SVOP: variants seen among roughly 807,000 people sequenced by gnomAD.
SVOP encodes the protein synaptic vesicle 2-related protein.
In SVOP, 17 loss-of-function variants were observed where a neutral mutation model predicts 69.1. That is an observed-to-expected ratio of 0.25 (90% CI 0.17 to 0.37). The LOEUF is 0.37. Ranked by LOEUF, SVOP falls within the 10% of genes least tolerant of loss-of-function variation. The pLI is 1.00. For missense variants in SVOP, 435 were observed against 597.5 expected, an observed-to-expected ratio of 0.73 and a Z score of 2.84; for synonymous variants, 238 against 238.6, an observed-to-expected ratio of 1.00 and a Z score of 0.02.
At chr12:108,921,727 T>C (rs1392947477) in intron 12 of SVOP, among the ~76,000 whole-genome samples, 2 of 152,172 alleles carry the variant, frequency 1.3e-5, no homozygotes, top group African/African-American at 4.8e-5. Context: ...CCTTCTGAGA[T>C]AGTCTTCAGG....
At chr12:109,018,953 A>C (rs1420645821) in intron 1 of SVOP, among the ~76,000 whole-genome samples, 1 of 152,204 alleles carries the variant, frequency 6.6e-6, no homozygotes, top group Non-Finnish European at 1.5e-5. Flanking sequence ...TGAGTCTCAG[A>C]AAGGTTAAGT....
At position 108,908,057 on chromosome 12, in the gene SVOP, A is replaced by AT. The variant is rs61199799; in HGVS notation, c.*4477dup. ...ACACTAAACTGGGCCAATCAGCTTC[A>AT]TTCCTGAAGATCTGGGAGTGGGGCA... On this transcript the variant is annotated 3_prime_UTR_variant, in exon 16 of 16. Transcript: ENST00000610966. 0.32 allele frequency: 48,143 copies of AT among 152,198 alleles called. 9,769 individuals are homozygous for AT. Among genetic ancestry groups the AT allele is most frequent in the East Asian group, 0.53 (2,737 of 5,154 alleles). 9.4% of individuals were successfully genotyped at this position (152,198 alleles called of 1,614,324 possible). A position where few individuals can be genotyped will look rare whatever the true frequency, so the allele number is the denominator to read the frequency against.
Position 108,945,117 on chromosome 12 carries a change from T to C in SVOP, c.628A>G (p.Ile210Val). ...CTCCTCCTTACCTCAATCAGCAAAA[T>C]ACATTTAGCTCTGGCTTTCATGGGA... is the stretch of plus-strand genomic sequence containing the variant. ...FLPMKARAKC[I>V]LLIEVFWAIG... The change falls in exon 7 of 16, where the codon ATT (isoleucine) becomes GTT (valine). Residue 210 changes from isoleucine to valine, a missense_variant. By Grantham distance (29) the Ile-to-Val change is conservative. Coordinates refer to ENST00000610966, the MANE Select transcript of SVOP (RefSeq NM_018711.5). 1 of 1,537,032 alleles carries C rather than the reference T, an allele frequency of 6.5e-7. No individual in the cohort carries two copies. The highest frequency in any genetic ancestry group is 2.4e-5 in the East Asian group (1 of 40,900).
At chr12:108,977,643 A>C (rs968151031) in intron 3 of SVOP, 147 bp from the exon 4 acceptor site, 1 of 551,924 alleles carries the variant, frequency 1.8e-6, no homozygotes, top group Non-Finnish European at 3.3e-6. Context: ...AACCACACTC[A>C]AAGCTCCAGC....
In SVOP at chr12:108,910,983, T is replaced by A. The variant is rs2039678087; in HGVS notation, c.*1552A>T. 1 of 152,278 alleles carries A rather than the reference T, an allele frequency of 6.6e-6. No individual in the cohort carries two copies. Among genetic ancestry groups the A allele is most frequent in the Non-Finnish European group, 1.5e-5 (1 of 68,066 alleles). The allele number at this position is 152,278 out of a possible 1,614,324, so 9.4% of individuals were successfully genotyped here. On this transcript the variant is annotated 3_prime_UTR_variant, in exon 16 of 16. Coordinates refer to ENST00000610966, the MANE Select transcript of SVOP (RefSeq NM_018711.5). ...TAGGTCTGTCTGCTCTGGCCTTTGA[T>A]GGGATCTGCCAGCTTCCTCCCTCCT...
At chr12:108,938,777 G>T (rs1593183700) in intron 9 of SVOP, 50 bp downstream of exon 9, 1 of 1,612,478 alleles carries the variant, frequency 6.2e-7, no homozygotes, top group South Asian at 1.1e-5. Context: ...ACACTCCCCT[G>T]CATGCACCCC....
At chr12:108,960,539 C>A (rs1297541447) in intron 6 of SVOP, among the ~76,000 whole-genome samples, 1 of 152,082 alleles carries the variant, frequency 6.6e-6, no homozygotes, top group Non-Finnish European at 1.5e-5. Context: ...TAGTTACCCA[C>A]CATGTGATTC....
intron 1 of SVOP, among the ~76,000 whole-genome samples, chr12:109,008,037 CAA>C (rs34023222): frequency 1.0e-4 from 15 of 146,842 alleles, no homozygotes; most frequent in South Asian, 2.1e-4. Flanking sequence ...GACCCTGTCT[CAA>C]AAAAAAAAAA....
intron 5 of SVOP, among the ~76,000 whole-genome samples, chr12:108,965,537 GA>G (rs2040040227): frequency 6.6e-6 from 1 of 152,122 alleles, no homozygotes; most frequent in Non-Finnish European, 1.5e-5. Flanking sequence ...CAGATTACCT[GA>G]TTTTCCAAAA....
intron 11 of SVOP, among the ~76,000 whole-genome samples, chr12:108,932,584 C>T (rs2039828200): frequency 6.6e-6 from 1 of 152,116 alleles, no homozygotes; most frequent in African/African-American, 2.4e-5. Context: ...AAATCCTAAG[C>T]TCCCAATCTA....
chr12:109,006,752 G>T (rs995142852), intron 1 of SVOP, among the ~76,000 whole-genome samples: 2 of 152,180 alleles, frequency 1.3e-5, no homozygotes, highest in Non-Finnish European at 2.9e-5. Context: ...CGGCTGGAGA[G>T]ACCTGAGGCT....
chr12:108,960,819 G>T, intron 6 of SVOP, 104 bp downstream of exon 6: 1 of 1,382,826 alleles, frequency 7.2e-7, no homozygotes. Context: ...AGCTATCTCT[G>T]CACCCCTGCT....
chr12:109,020,257 T>G (rs189615579), intron 1 of SVOP, among the ~76,000 whole-genome samples: 1 of 152,296 alleles, frequency 6.6e-6, no homozygotes, highest in East Asian at 1.9e-4. Flanking sequence ...ACAAAAACCT[T>G]TCATTCAGAA....
chr12:108,994,385 T>A lies in SVOP; in HGVS notation c.36-10624A>T, dbSNP rs148011855. Among the ~76,000 whole-genome samples the A allele has an allele frequency of 2.4e-3, 363 of 152,200 alleles. 3 individuals are homozygous for A. The highest frequency in any genetic ancestry group is 8.1e-3 in the African/African-American group (338 of 41,528). On this transcript the variant is annotated intron_variant, in intron 1 of 15. Coordinates refer to ENST00000610966, the MANE Select transcript of SVOP (RefSeq NM_018711.5). ...GGCATGCACCTGTAATCCCAGCTAC[T>A]CAGGAGGCTGAGGCAGGAGAATCGC...
intron 7 of SVOP, among the ~76,000 whole-genome samples, chr12:108,941,410 G>C (rs981905416): frequency 1.3e-5 from 2 of 152,106 alleles, no homozygotes; most frequent in Admixed American, 6.6e-5. Flanking sequence ...ATTTTTAGTA[G>C]AGACAGGGTT....
intron 11 of SVOP, among the ~76,000 whole-genome samples, chr12:108,929,484 C>T (rs1400429873): frequency 6.6e-6 from 1 of 151,808 alleles, no homozygotes; most frequent in Admixed American, 6.6e-5. Flanking sequence ...ATTTTTTCTA[C>T]ATTTTGTAGA....
intron 1 of SVOP, among the ~76,000 whole-genome samples, chr12:109,009,753 T>TAGGG (rs1353091317): frequency 1.3e-5 from 2 of 152,078 alleles, no homozygotes; most frequent in African/African-American, 4.8e-5. Flanking sequence ...TTTAGTCTCC[T>TAGGG]AGGGGCATCG....
At chr12:109,009,680 G>T (rs1373216562) in intron 1 of SVOP, among the ~76,000 whole-genome samples, 2 of 152,168 alleles carry the variant, frequency 1.3e-5, no homozygotes, top group African/African-American at 4.8e-5. Flanking sequence ...CTCCCAAACT[G>T]CTGGGCTTAC....
intron 15 of SVOP, among the ~76,000 whole-genome samples, chr12:108,915,456 T>C (rs2039707797): frequency 6.6e-6 from 1 of 152,218 alleles, no homozygotes; most frequent in Admixed American, 6.5e-5. Context: ...CTTGCATTAA[T>C]TCACTCACAA....
Sources: allele counts gnomAD v4.1 joint callset (sites outside exome capture counted in the v4.1 genomes callset), GRCh38; gene constraint gnomAD v4.1.1; transcripts MANE v1.5; gene names NCBI Gene and HGNC (gene_info 2026-07-23, HGNC 2026-07-21).